Variants in PPP4R3B observed in about 807,000 individuals in gnomAD.
The protein encoded by PPP4R3B is serine/threonine-protein phosphatase 4 regulatory subunit 3B.
PPP4R3B carries 52 observed loss-of-function variants against 95.4 expected under a neutral mutation model. The ratio of observed to expected loss-of-function variants is 0.54; its 90% CI spans 0.44 to 0.69. The LOEUF is 0.69. PPP4R3B is among the 30% of genes least tolerant of loss of function. The pLI is 0.00. For missense variants in PPP4R3B, 1,003 were observed against 1,005.9 expected (o/e 1.00, Z 0.04); for synonymous variants, 407 against 343.9 (o/e 1.18, Z -2.03).
At chr2:55,608,352 A>G (rs1693702144) in intron 2 of PPP4R3B, among the ~76,000 whole-genome samples, 1 of 152,216 alleles carries the variant, frequency 6.6e-6, no homozygotes, top group Non-Finnish European at 1.5e-5. Flanking sequence ...TCAAAATACC[A>G]GAAACTAAAT....
intron 9 of PPP4R3B, 24 bp from the exon 10 acceptor site, chr2:55,578,366 G>C (rs1421514204): frequency 7.5e-7 from 1 of 1,338,976 alleles, no homozygotes; most frequent in South Asian, 2.5e-5. Context: ...TGGCAAGTTA[G>C]TTTTGATAAA....
intron 6 of PPP4R3B, 63 bp downstream of exon 6, chr2:55,586,555 C>A (rs1690177251): frequency 3.4e-6 from 3 of 887,108 alleles, no homozygotes; most frequent in Non-Finnish European, 5.4e-6. Context: ...ATTTTCCCAT[C>A]CATAACATAA....
intron 12 of PPP4R3B, among the ~76,000 whole-genome samples, chr2:55,569,938 AG>A (rs1396281477): frequency 6.6e-6 from 1 of 152,192 alleles, no homozygotes. Context: ...GGAGATCTAA[AG>A]GTTTTTTACT....
intron 10 of PPP4R3B, among the ~76,000 whole-genome samples, chr2:55,577,896 T>C (rs1377799339): frequency 1.3e-5 from 2 of 151,994 alleles, no homozygotes; most frequent in African/African-American, 2.4e-5. Context: ...TCAAGGCACA[T>C]GTGCACAGGG....
chr2:55,585,265 T>C, intron 6 of PPP4R3B, 98 bp from the exon 7 acceptor site: 1 of 789,390 alleles, frequency 1.3e-6, no homozygotes, highest in Non-Finnish European at 2.0e-6. Flanking sequence ...CTCTCAACTT[T>C]TTGGATTAAG....
At chr2:55,600,879 C>A (rs1692469814) in intron 3 of PPP4R3B, among the ~76,000 whole-genome samples, 1 of 152,120 alleles carries the variant, frequency 6.6e-6, no homozygotes, top group Non-Finnish European at 1.5e-5. Context: ...GGTGCCTAAG[C>A]TGGGCGCTGT....
intron 1 of PPP4R3B, among the ~76,000 whole-genome samples, chr2:55,615,857 C>CAA (rs58981030): frequency 0.11 from 4,522 of 39,470 alleles, 527 homozygotes; most frequent in East Asian, 0.15. Flanking sequence ...ACTCTGTCTC[C>CAA]AAAAAAAAAA....
At chr2:55,561,533 C>A (rs374572777) in intron 15 of PPP4R3B, among the ~76,000 whole-genome samples, 5 of 152,212 alleles carry the variant, frequency 3.3e-5, no homozygotes, top group African/African-American at 1.2e-4. Context: ...TCAACTCTAG[C>A]CCATGAAAGC....
intron 7 of PPP4R3B, among the ~76,000 whole-genome samples, chr2:55,582,429 T>G (rs1312605960): frequency 6.6e-6 from 1 of 152,196 alleles, no homozygotes; most frequent in Non-Finnish European, 1.5e-5. Context: ...AATTTTTGTA[T>G]TTTTAGTAGA....
chr2:55,551,785 C>T (rs1474480132), intron 16 of PPP4R3B, among the ~76,000 whole-genome samples: 1 of 150,300 alleles, frequency 6.7e-6, no homozygotes, highest in Non-Finnish European at 1.5e-5. Context: ...AATAGATAAC[C>T]AAACATCTAA....
At chr2:55,593,713 C>G (rs115125310) in intron 4 of PPP4R3B, among the ~76,000 whole-genome samples, 1 of 152,184 alleles carries the variant, frequency 6.6e-6, no homozygotes, top group African/African-American at 2.4e-5. Flanking sequence ...ACAGTTTAGG[C>G]AACATAGCAA....
At chr2:55,561,425 C>A (rs916235055) in intron 15 of PPP4R3B, among the ~76,000 whole-genome samples, 5 of 152,200 alleles carry the variant, frequency 3.3e-5, no homozygotes, top group African/African-American at 1.2e-4. Context: ...TGGGATACTG[C>A]CTAGTGGAGC....
At chr2:55,557,660 T>C (rs1373592889) in intron 16 of PPP4R3B, among the ~76,000 whole-genome samples, 1 of 152,240 alleles carries the variant, frequency 6.6e-6, no homozygotes, top group African/African-American at 2.4e-5. Flanking sequence ...TACATTTTTG[T>C]AAAATAAACT....
chr2:55,594,414 G>C (rs1691479965), intron 4 of PPP4R3B, among the ~76,000 whole-genome samples: 1 of 151,922 alleles, frequency 6.6e-6, no homozygotes, highest in Admixed American at 6.6e-5. Context: ...TTCATGAAAT[G>C]CATCTCATGA....
At chr2:55,561,308 A>G (rs1166274176) in intron 15 of PPP4R3B, among the ~76,000 whole-genome samples, 3 of 152,210 alleles carry the variant, frequency 2.0e-5, no homozygotes, top group East Asian at 1.9e-4. Context: ...AAATGCCTGG[A>G]TATCTAGGCA....
chr2:55,587,607 G>C (rs986739540), intron 5 of PPP4R3B, among the ~76,000 whole-genome samples: 1 of 152,138 alleles, frequency 6.6e-6, no homozygotes, highest in Non-Finnish European at 1.5e-5. Context: ...AAAAAACGAT[G>C]ACATCTTTCA....
intron 5 of PPP4R3B, 119 bp downstream of exon 5, chr2:55,588,754 TACATAC>T: frequency 1.8e-6 from 1 of 564,236 alleles, no homozygotes; most frequent in South Asian, 2.9e-5. Context: ...TCAATTTAAA[TACATAC>T]TTTTCATCTC....
rs570271801 is a variant in PPP4R3B, at chr2:55,564,803, A to G, written c.2075+99T>C. ...TCAACTCTATGCTATCCAGTGATGG[A>G]AAGAAAATTCCTCAGTAAATTTCAC... On this transcript the variant is annotated intron_variant, in intron 14 of 16. Transcript: ENST00000616407. 227 of 1,432,876 alleles carry G rather than the reference A, an allele frequency of 1.6e-4. No individual in the cohort carries two copies. The South Asian group carries it at 2.6e-3, about 16-fold the overall frequency. 88.8% of individuals were successfully genotyped at this position (1,432,876 alleles called of 1,614,324 possible).
At chr2:55,570,285 G>A (rs1233873682) in intron 12 of PPP4R3B, among the ~76,000 whole-genome samples, 1 of 152,102 alleles carries the variant, frequency 6.6e-6, no homozygotes, top group Non-Finnish European at 1.5e-5. Flanking sequence ...TCCTATCTCC[G>A]TATTATAATT....
Sources: gnomAD v4.1 joint callset for allele counts (sites outside exome capture counted in the v4.1 genomes callset) on GRCh38, gnomAD v4.1.1 for gene constraint, MANE v1.5 for transcripts, NCBI Gene and HGNC (gene_info 2026-07-23, HGNC 2026-07-21) for gene names.